Variants in NCAM2 observed in about 807,000 individuals in gnomAD.
NCAM2 encodes N-CAM-2.
A neutral mutation model predicts 98.1 loss-of-function variants in NCAM2; 30 were observed. The observed-to-expected ratio is 0.31, with a 90% CI of 0.23 to 0.41. The LOEUF is 0.41. NCAM2 is among the 10% of genes least tolerant of loss of function. The pLI, the probability that NCAM2 is intolerant of heterozygous loss-of-function variation, is 1.00. For missense variants in NCAM2, 867 were observed against 1,005.8 expected, an observed-to-expected ratio of 0.86 and a Z score of 1.87; for synonymous variants, 368 against 342.4, an observed-to-expected ratio of 1.07 and a Z score of -0.83.
intron 1 of NCAM2, among the ~76,000 whole-genome samples, chr21:21,198,101 A>G (rs867787048): frequency 1.3e-5 from 2 of 152,084 alleles, no homozygotes; most frequent in African/African-American, 4.8e-5. Flanking sequence ...GTATTTTTAT[A>G]TATATTTATT....
intron 14 of NCAM2, 67 bp from the exon 15 acceptor site, chr21:21,477,224 A>T: frequency 8.0e-7 from 1 of 1,252,068 alleles, no homozygotes; most frequent in Non-Finnish European, 1.1e-6. Context: ...TTCCAATATA[A>T]TTTTTTTAAA....
At chr21:21,408,953 A>AC (rs2076799586) in intron 9 of NCAM2, among the ~76,000 whole-genome samples, 1 of 119,168 alleles carries the variant, frequency 8.4e-6, no homozygotes, top group Non-Finnish European at 2.1e-5. Context: ...TAGTAGATAT[A>AC]ACAAAACTGG....
At chr21:21,011,640 A>G (rs1256043398) in intron 1 of NCAM2, among the ~76,000 whole-genome samples, 2 of 152,136 alleles carry the variant, frequency 1.3e-5, no homozygotes, top group African/African-American at 4.8e-5. Flanking sequence ...TTTTAACTAT[A>G]GTCACCGTGC....
At chr21:21,151,408 A>T (rs1254301777) in intron 1 of NCAM2, among the ~76,000 whole-genome samples, 1 of 152,060 alleles carries the variant, frequency 6.6e-6, no homozygotes, top group African/African-American at 2.4e-5. Flanking sequence ...TGTTGGTTGT[A>T]GTGTATTATT....
intron 1 of NCAM2, among the ~76,000 whole-genome samples, chr21:21,030,120 G>T (rs542341018): frequency 7.2e-5 from 11 of 152,202 alleles, no homozygotes; most frequent in Non-Finnish European, 1.5e-4. Flanking sequence ...TTGTTATCTG[G>T]TTTTCTTTCC....
intron 16 of NCAM2, among the ~76,000 whole-genome samples, chr21:21,515,076 T>C (rs1403725455): frequency 6.6e-6 from 1 of 152,218 alleles, no homozygotes; most frequent in Non-Finnish European, 1.5e-5. Flanking sequence ...AGTGCATTAA[T>C]TTTGCAGATT....
chr21:21,366,675 G>A (rs757132672), intron 8 of NCAM2, among the ~76,000 whole-genome samples: 5 of 151,992 alleles, frequency 3.3e-5, no homozygotes, highest in Non-Finnish European at 7.4e-5. Flanking sequence ...AATCCCATCT[G>A]GGGTGTGATG....
chr21:21,071,965 T>C (rs1391833539), intron 1 of NCAM2, among the ~76,000 whole-genome samples: 1 of 151,884 alleles, frequency 6.6e-6, no homozygotes, highest in Non-Finnish European at 1.5e-5. Flanking sequence ...CAGGCTGGAG[T>C]GCAGTGGCGC....
At chr21:21,490,684 T>G (rs189932645) in intron 15 of NCAM2, among the ~76,000 whole-genome samples, 1 of 151,900 alleles carries the variant, frequency 6.6e-6, no homozygotes, top group South Asian at 2.1e-4. Context: ...ACACAATTCA[T>G]GTACCCCTTT....
rs561234137 is a variant in NCAM2, at chr21:21,401,987, T to C, written c.1196-8287T>C. On this transcript the variant is annotated intron_variant, in intron 9 of 17. Coordinates refer to ENST00000400546, the MANE Select transcript of NCAM2 (RefSeq NM_004540.5). ...CTGTCTTACTTTAATCTCTTAATCC[T>C]GTTATCTTCGTAAGCTGAGGATGTA... is the stretch of plus-strand genomic sequence containing the variant. Among the ~76,000 whole-genome samples, 3 of 152,180 alleles carry C rather than the reference T, an allele frequency of 2.0e-5. No individual in the cohort carries two copies. The South Asian group carries it at 6.2e-4, about 31-fold the overall frequency.
chr21:21,019,702 A>G (rs2064388118), intron 1 of NCAM2, among the ~76,000 whole-genome samples: 1 of 152,202 alleles, frequency 6.6e-6, no homozygotes, highest in Non-Finnish European at 1.5e-5. Context: ...TATATCAAAA[A>G]TGATGTTCCA....
At chr21:21,120,362 A>G (rs887115820) in intron 1 of NCAM2, among the ~76,000 whole-genome samples, 2 of 152,126 alleles carry the variant, frequency 1.3e-5, no homozygotes, top group African/African-American at 4.8e-5. Flanking sequence ...AAAACAAATC[A>G]AGTGATTTTC....
chr21:21,138,704 A>C (rs2826690), intron 1 of NCAM2, among the ~76,000 whole-genome samples: 64,260 of 152,000 alleles, frequency 0.42, 14,136 homozygotes, highest in African/African-American at 0.55. Flanking sequence ...ATAAATAATT[A>C]GTGTATTTTG....
chr21:21,307,482 G>T (rs2147690648), intron 5 of NCAM2, among the ~76,000 whole-genome samples: 1 of 152,160 alleles, frequency 6.6e-6, no homozygotes, highest in Non-Finnish European at 1.5e-5. Flanking sequence ...TAATAATTAG[G>T]TCAGAAGTCC....
intron 1 of NCAM2, among the ~76,000 whole-genome samples, chr21:21,183,751 T>C (rs188636863): frequency 6.6e-6 from 1 of 152,240 alleles, no homozygotes; most frequent in East Asian, 1.9e-4. Flanking sequence ...CTATGCATTG[T>C]TATATTCTTA....
intron 9 of NCAM2, among the ~76,000 whole-genome samples, chr21:21,393,377 G>A (rs1165624550): frequency 6.6e-6 from 1 of 151,950 alleles, no homozygotes; most frequent in Non-Finnish European, 1.5e-5. Context: ...ATTTTTTCCA[G>A]ATAGTATAAA....
At chr21:21,520,294 A>G (rs1892786375) in intron 16 of NCAM2, among the ~76,000 whole-genome samples, 1 of 152,152 alleles carries the variant, frequency 6.6e-6, no homozygotes, top group South Asian at 2.1e-4. Context: ...ATCAAATGAT[A>G]AATAATTTTT....
intron 1 of NCAM2, among the ~76,000 whole-genome samples, chr21:21,250,663 AAAC>A (rs1410826795): frequency 6.6e-6 from 1 of 152,190 alleles, no homozygotes; most frequent in Non-Finnish European, 1.5e-5. Flanking sequence ...TGTTTTTAAA[AAAC>A]AACGTTGTGG....
intron 16 of NCAM2, among the ~76,000 whole-genome samples, chr21:21,528,258 T>C (rs1014713601): frequency 2.6e-5 from 4 of 152,158 alleles, no homozygotes; most frequent in Admixed American, 6.5e-5. Flanking sequence ...TTCTGTATGA[T>C]AAAATAATTG....
Sources: allele counts gnomAD v4.1 joint callset (sites outside exome capture counted in the v4.1 genomes callset), GRCh38; gene constraint gnomAD v4.1.1; transcripts MANE v1.5; gene names NCBI Gene and HGNC (gene_info 2026-07-23, HGNC 2026-07-21).